BPIFA3: variants seen among roughly 807,000 people sequenced by gnomAD.
BPIFA3 encodes BPI fold-containing family A member 3.
In BPIFA3, 32 loss-of-function variants were observed where a neutral mutation model predicts 29.7. The observed-to-expected ratio is 1.08, with a 90% CI of 0.81 to 1.45. The LOEUF (loss-of-function observed/expected upper bound fraction) is 1.45, where lower values mean the gene tolerates loss of function less well. Ranked by LOEUF, BPIFA3 falls within the 40% of genes most tolerant of loss-of-function variation. The pLI is 0.00. For missense variants in BPIFA3, 323 were observed against 311.3 expected (o/e 1.04, Z -0.28); for synonymous variants, 112 against 113.7 (o/e 0.98, Z 0.10).
At position 33,224,376 on chromosome 20, in the gene BPIFA3, G is replaced by A; in HGVS notation, c.300G>A (p.Gln100=). 6.2e-7 allele frequency: 1 copy of A among 1,614,152 alleles called. No homozygotes were observed. The highest frequency in any genetic ancestry group is 8.5e-7 in the Non-Finnish European group (1 of 1,179,972). ...GCAGCATCAACATCACCAACATTCA[G>A]CTGGACTGTGGTGGGATCCAGATAT... ...QESSINITNI[Q]LDCGGIQISF... The change falls in exon 3 of 7, where the codon CAG becomes CAA. Residue 100 remains glutamine (Q), a synonymous_variant. Transcript: ENST00000375454.
At position 33,225,307 on chromosome 20, in the gene BPIFA3, A is replaced by G. The variant is rs1404951195; in HGVS notation, c.536+60A>G. 13 of 1,608,228 alleles carry G rather than the reference A, an allele frequency of 8.1e-6. No homozygotes were observed. In the Admixed American group the frequency reaches 1.8e-4, roughly 23 times the overall value. ...CTCCTTCCTGATGAGCCCCAGCTGC[A>G]GGGTCACTTCCTGACCGTCTCCTAA... On this transcript the variant is annotated intron_variant, in intron 4 of 6. Coordinates refer to ENST00000375454, the MANE Select transcript of BPIFA3 (RefSeq NM_178466.5).
chr20:33,224,546 C>A, intron 3 of BPIFA3, 84 bp downstream of exon 3: 1 of 1,217,696 alleles, frequency 8.2e-7, no homozygotes, highest in Non-Finnish European at 1.2e-6. Flanking sequence ...TGATCCCAAC[C>A]TAAATTCAAA....
chr20:33,220,614 A>G (rs1045730305), intron 1 of BPIFA3, among the ~76,000 whole-genome samples: 2 of 152,228 alleles, frequency 1.3e-5, no homozygotes, highest in Non-Finnish European at 2.9e-5. Flanking sequence ...TTTCATTGCC[A>G]TAGTAAATGC....
chr20:33,223,095 C>T (rs1388735110), intron 1 of BPIFA3, among the ~76,000 whole-genome samples: 3 of 152,144 alleles, frequency 2.0e-5, no homozygotes, highest in East Asian at 1.9e-4. Context: ...TGTTTGTAAG[C>T]GACAGAAACA....
Position 33,224,374 on chromosome 20 carries a change from C to T in BPIFA3, c.298C>T (p.Gln100Ter), listed in dbSNP as rs1326299241. Residue 100 changes from glutamine (Q) to a stop codon, truncating the protein, a stop_gained, in exon 3 of 7, where the codon CAG becomes TAG. Coordinates refer to ENST00000375454, the MANE Select transcript of BPIFA3 (RefSeq NM_178466.5). LOFTEE classifies it high-confidence loss of function. Reference protein sequence around the residue: ...QESSINITNIQLDCGGIQISF... With the variant: ...QESSINITNI Reference sequence around the variant, plus strand: ...GTGCAGCATCAACATCACCAACATTCAGCTGGACTGTGGTGGGATCCAGAT... The same window carrying T: ...GTGCAGCATCAACATCACCAACATTTAGCTGGACTGTGGTGGGATCCAGAT... The T allele has an allele frequency of 6.2e-7, 1 of 1,614,124 alleles. No individual in the cohort carries two copies. Among genetic ancestry groups the T allele is most frequent in the South Asian group, 1.1e-5 (1 of 91,070 alleles).
intron 1 of BPIFA3, among the ~76,000 whole-genome samples, chr20:33,222,924 A>C (rs1985597941): frequency 6.6e-6 from 1 of 152,174 alleles, no homozygotes; most frequent in East Asian, 1.9e-4. Context: ...CACCCAGTAG[A>C]TGCTCAATAA....
At chr20:33,221,313 C>T (rs1254857039) in intron 1 of BPIFA3, among the ~76,000 whole-genome samples, 1 of 152,162 alleles carries the variant, frequency 6.6e-6, no homozygotes, top group African/African-American at 2.4e-5. Context: ...CCCACTACCA[C>T]GACCTACTGA....
chr20:33,221,105 T>C (rs1415247556), intron 1 of BPIFA3, among the ~76,000 whole-genome samples: 2 of 152,184 alleles, frequency 1.3e-5, no homozygotes, highest in Non-Finnish European at 2.9e-5. Flanking sequence ...CTGTTGAACC[T>C]TCCTAACACT....
intron 3 of BPIFA3, 111 bp downstream of exon 3, chr20:33,224,573 C>CAGG: frequency 2.1e-6 from 2 of 930,608 alleles, no homozygotes; most frequent in Non-Finnish European, 3.4e-6. Context: ...CTTCCAAAGC[C>CAGG]ACTTGCTGTG....
At chr20:33,222,896 G>A (rs1985596395) in intron 1 of BPIFA3, among the ~76,000 whole-genome samples, 1 of 152,154 alleles carries the variant, frequency 6.6e-6, no homozygotes, top group African/African-American at 2.4e-5. Flanking sequence ...TACCCTCAGT[G>A]ACCAGCTTGG....
chr20:33,226,338 C>T (rs1985776290), intron 4 of BPIFA3, 68 bp from the exon 5 acceptor site: 4 of 1,152,982 alleles, frequency 3.5e-6, no homozygotes, highest in East Asian at 2.4e-5. Flanking sequence ...ATACTCAACA[C>T]ATACCTCCTG....
intron 2 of BPIFA3, among the ~76,000 whole-genome samples, 164 bp from the exon 3 acceptor site, chr20:33,224,191 C>T (rs111870760): frequency 1.2e-4 from 19 of 152,304 alleles, no homozygotes; most frequent in Middle Eastern, 3.4e-3. Flanking sequence ...CAGTCCAGGG[C>T]TCCCGCACCT....
At chr20:33,222,979 A>T (rs1011525991) in intron 1 of BPIFA3, among the ~76,000 whole-genome samples, 1 of 152,220 alleles carries the variant, frequency 6.6e-6, no homozygotes, top group Non-Finnish European at 1.5e-5. Flanking sequence ...ATTCCTCACA[A>T]GAACCCTGTG....
At chr20:33,223,741 C>A (rs914846104) in intron 1 of BPIFA3, 70 bp from the exon 2 acceptor site, 8 of 1,544,202 alleles carry the variant, frequency 5.2e-6, no homozygotes, top group Non-Finnish European at 7.0e-6. Context: ...GCAACCCAGG[C>A]CTCCGAATCC....
chr20:33,226,197 C>G, intron 4 of BPIFA3: 1 of 508,152 alleles, frequency 2.0e-6, no homozygotes. Context: ...TGCTCTATTG[C>G]CATGTTTCTA....
At chr20:33,221,645 A>G (rs1158040189) in intron 1 of BPIFA3, among the ~76,000 whole-genome samples, 1 of 152,198 alleles carries the variant, frequency 6.6e-6, no homozygotes, top group Non-Finnish European at 1.5e-5. Flanking sequence ...AAGTTTGATA[A>G]AACTCTGCAT....
At chr20:33,220,159 G>C (rs1163049049) in intron 1 of BPIFA3, among the ~76,000 whole-genome samples, 2 of 151,288 alleles carry the variant, frequency 1.3e-5, no homozygotes, top group Non-Finnish European at 2.9e-5. Flanking sequence ...AGCACTTTGA[G>C]AGGCTGAGGT....
In BPIFA3 at chr20:33,227,645, A is replaced by C; in HGVS notation, c.*28A>C. The C allele has an allele frequency of 1.3e-6, 2 of 1,591,374 alleles. No homozygotes were observed. The highest frequency in any genetic ancestry group is 1.7e-6 in the Non-Finnish European group (2 of 1,159,558). On this transcript the variant is annotated 3_prime_UTR_variant, in exon 7 of 7. Transcript: ENST00000375454. The stretch of plus-strand genomic sequence containing the variant: ...TCTGCTGATCAGAAGGAAAGTCCAC[A>C]TCTTGCAACCTTAAGTCTCCCTTAG...
At chr20:33,217,994 T>C (rs1430279984) in intron 1 of BPIFA3, among the ~76,000 whole-genome samples, 1 of 151,966 alleles carries the variant, frequency 6.6e-6, no homozygotes, top group Non-Finnish European at 1.5e-5. Flanking sequence ...CCTGTGTCCT[T>C]GTATGTACAG....
Sources: gnomAD v4.1 joint callset for allele counts (sites outside exome capture counted in the v4.1 genomes callset) on GRCh38, gnomAD v4.1.1 for gene constraint, MANE v1.5 for transcripts, NCBI Gene and HGNC (gene_info 2026-07-23, HGNC 2026-07-21) for gene names.